Variants in GAN observed in about 807,000 individuals in gnomAD.
GAN encodes the protein epididymis secretory sperm binding protein.
In GAN, 48 loss-of-function variants were observed where a neutral mutation model predicts 71.3. The observed-to-expected ratio is 0.67, with a 90% CI of 0.53 to 0.86. The LOEUF is 0.86. GAN is among the 40% of genes least tolerant of loss of function. The pLI is 0.00. For synonymous variants in GAN, 386 were observed against 276.8 expected (o/e 1.39, Z -3.92); for missense variants, 928 against 770.1 (o/e 1.21, Z -2.43).
Position 81,379,412 on chromosome 16 carries a change from A to G in GAN, c.*1816A>G, listed in dbSNP as rs1434003709. 1 of 152,228 alleles carries G rather than the reference A, an allele frequency of 6.6e-6. No individual in the cohort carries two copies. Among genetic ancestry groups the G allele is most frequent in the African/African-American group, 2.4e-5 (1 of 41,470 alleles). 9.4% of individuals were successfully genotyped at this position (152,228 alleles called of 1,614,324 possible). A position where few individuals can be genotyped will look rare whatever the true frequency, so the allele number is the denominator to read the frequency against. ...GTGTAAGGTTTTTATCTTATATGCCAGAGGCACCAGGCCAGATGTGCCGCA... is the reference window on the plus strand; with the variant it reads ...GTGTAAGGTTTTTATCTTATATGCCGGAGGCACCAGGCCAGATGTGCCGCA... On this transcript the variant is annotated 3_prime_UTR_variant, in exon 11 of 11. Transcript: ENST00000648994.
In GAN at chr16:81,316,549, C is replaced by G. The variant is rs918940657; in HGVS notation, c.167+1269C>G. Among the ~76,000 whole-genome samples the G allele has an allele frequency of 2.0e-5, 3 of 152,130 alleles. 1 individual carries two copies. Among genetic ancestry groups the G allele is most frequent in the Non-Finnish European group, 1.5e-5 (1 of 68,026 alleles). ...CATCGTTAGTACAGAATTTGGATTG[C>G]TAATGTGACAGACAGCTTCTAGCTG... On this transcript the variant is annotated intron_variant, in intron 1 of 10. Coordinates refer to ENST00000648994, the MANE Select transcript of GAN (RefSeq NM_022041.4).
intron 1 of GAN, among the ~76,000 whole-genome samples, chr16:81,323,869 G>A (rs1238600750): frequency 6.6e-5 from 10 of 152,162 alleles, no homozygotes; most frequent in Non-Finnish European, 1.5e-4. Context: ...GCCTCCCACA[G>A]AGAGTATCAA....
At chr16:81,364,794 T>G (rs1412200490) in intron 7 of GAN, among the ~76,000 whole-genome samples, 180 bp from the exon 8 acceptor site, 1 of 152,246 alleles carries the variant, frequency 6.6e-6, no homozygotes, top group Non-Finnish European at 1.5e-5. Flanking sequence ...ATATGTGTCT[T>G]ACTTTGCTCT....
At chr16:81,315,380 C>A in intron 1 of GAN, 100 bp downstream of exon 1, 2 of 833,132 alleles carry the variant, frequency 2.4e-6, no homozygotes, top group Non-Finnish European at 3.2e-6. Flanking sequence ...TCCCCTGTCC[C>A]CGGCGCCGGG....
chr16:81,323,847 T>C (rs150355675), intron 1 of GAN, among the ~76,000 whole-genome samples: 230 of 152,280 alleles, frequency 1.5e-3, no homozygotes, highest in African/African-American at 5.3e-3. Context: ...CATTGGAGCA[T>C]TGTATTCAGT....
At chr16:81,330,147 A>G (rs1909525697) in intron 1 of GAN, among the ~76,000 whole-genome samples, 1 of 152,176 alleles carries the variant, frequency 6.6e-6, no homozygotes, top group Non-Finnish European at 1.5e-5. Flanking sequence ...AGCTTTCATC[A>G]GTTCTGACTT....
At chr16:81,375,441 A>G (rs180898097) in intron 9 of GAN, among the ~76,000 whole-genome samples, 33 of 150,812 alleles carry the variant, frequency 2.2e-4, no homozygotes, top group African/African-American at 3.4e-4. Context: ...GACTCAAGCA[A>G]TCCTCCCACC....
intron 5 of GAN, among the ~76,000 whole-genome samples, chr16:81,360,370 C>T (rs1374630117): frequency 6.6e-6 from 1 of 152,152 alleles, no homozygotes; most frequent in Non-Finnish European, 1.5e-5. Context: ...TTTTTCAGCA[C>T]ATTGAAGTCA....
rs1597414034 is a variant in GAN at position 81,377,266 on chromosome 16, CTT to C, written c.1553_1554del (p.Phe518CysfsTer18). 6.2e-7 allele frequency: 1 copy of C among 1,612,618 alleles called. No individual in the cohort carries two copies. Among genetic ancestry groups the C allele is most frequent in the Non-Finnish European group, 8.5e-7 (1 of 1,178,628 alleles). Reference sequence around the variant, plus strand: ...AATTTATGCATCCCCGCCAGTTCCTCTTTTGTTTATGGAGCTGTACCTATAGG... The same window carrying C: ...AATTTATGCATCCCCGCCAGTTCCTCTTGTTTATGGAGCTGTACCTATAGG... On this transcript the variant is annotated frameshift_variant, in exon 10 of 11. Transcript: ENST00000648994. LOFTEE classifies it high-confidence loss of function.
intron 5 of GAN, among the ~76,000 whole-genome samples, chr16:81,361,534 C>T (rs1026584904): frequency 2.0e-5 from 3 of 152,060 alleles, no homozygotes; most frequent in Non-Finnish European, 4.4e-5. Context: ...GGAGCTTAAA[C>T]TTCTGTCTTT....
chr16:81,372,190 G>A (rs1911057316), intron 9 of GAN, among the ~76,000 whole-genome samples: 1 of 152,180 alleles, frequency 6.6e-6, no homozygotes, highest in Non-Finnish European at 1.5e-5. Flanking sequence ...TTACCAGAGG[G>A]TGCATCATTA....
chr16:81,324,828 A>G (rs1909330066), intron 1 of GAN, among the ~76,000 whole-genome samples: 1 of 152,236 alleles, frequency 6.6e-6, no homozygotes, highest in Non-Finnish European at 1.5e-5. Context: ...AGTCACTCCA[A>G]TGCAGTGCTG....
Position 81,383,932 on chromosome 16 carries a change from C to T in GAN, c.*6336C>T, listed in dbSNP as rs550560088. 1 of 152,192 alleles carries T rather than the reference C, an allele frequency of 6.6e-6. No homozygotes were observed. The highest frequency in any genetic ancestry group is 2.4e-5 in the African/African-American group (1 of 41,522). 9.4% of individuals were successfully genotyped at this position (152,192 alleles called of 1,614,324 possible). ...GGATCTTATTTTTAGCATTTCATTA[C>T]AAGTAATAGGTTTGGGTACCTTATT... On this transcript the variant is annotated 3_prime_UTR_variant, in exon 11 of 11. Coordinates refer to ENST00000648994, the MANE Select transcript of GAN (RefSeq NM_022041.4).
intron 3 of GAN, 75 bp from the exon 4 acceptor site, chr16:81,356,710 G>A (rs1910496180): frequency 4.8e-6 from 5 of 1,052,288 alleles, no homozygotes; most frequent in East Asian, 2.4e-5. Flanking sequence ...TCCATGAGGT[G>A]GAAAATGTAG....
In GAN at chr16:81,384,592, A is replaced by G. The variant is rs111840651; in HGVS notation, c.*6996A>G. The G allele has an allele frequency of 3.9e-5, 6 of 152,222 alleles. No individual in the cohort carries two copies. The highest frequency in any genetic ancestry group is 1.4e-4 in the African/African-American group (6 of 41,536). 9.4% of individuals were successfully genotyped at this position (152,222 alleles called of 1,614,324 possible). ...GGATACTATTTTTTTCATTTCTTAT[A>G]AGGTGCTATTGTTTCCCAGAAATCT... On this transcript the variant is annotated 3_prime_UTR_variant, in exon 11 of 11. Coordinates refer to ENST00000648994, the MANE Select transcript of GAN (RefSeq NM_022041.4).
At chr16:81,345,074 C>A (rs934520034) in intron 1 of GAN, among the ~76,000 whole-genome samples, 2 of 151,994 alleles carry the variant, frequency 1.3e-5, no homozygotes, top group Non-Finnish European at 2.9e-5. Context: ...CCAGTTAGAA[C>A]GGCGATCATT....
At chr16:81,350,818 C>T (rs898287717) in intron 1 of GAN, among the ~76,000 whole-genome samples, 3 of 151,902 alleles carry the variant, frequency 2.0e-5, no homozygotes, top group East Asian at 1.9e-4. Flanking sequence ...TGCACCCAGC[C>T]GAAAAATTCT....
chr16:81,362,863 A>T (rs1323857812), intron 6 of GAN, among the ~76,000 whole-genome samples: 1 of 152,164 alleles, frequency 6.6e-6, no homozygotes, highest in Non-Finnish European at 1.5e-5. Flanking sequence ...CCCTGTGCAG[A>T]TGCCAGCGTG....
At chr16:81,324,076 G>T (rs762157043) in intron 1 of GAN, among the ~76,000 whole-genome samples, 1 of 152,192 alleles carries the variant, frequency 6.6e-6, no homozygotes, top group Non-Finnish European at 1.5e-5. Flanking sequence ...GTGTTTATCA[G>T]AGTAGAAACT....
Sources: allele counts gnomAD v4.1 joint callset (sites outside exome capture counted in the v4.1 genomes callset), GRCh38; gene constraint gnomAD v4.1.1; transcripts MANE v1.5; gene names NCBI Gene and HGNC (gene_info 2026-07-23, HGNC 2026-07-21).